Variants in RMND5A observed in about 807,000 individuals in gnomAD.
The protein encoded by RMND5A is E3 ubiquitin-protein transferase RMND5A.
RMND5A carries 17 observed loss-of-function variants against 49.7 expected under a neutral mutation model. That is an observed-to-expected ratio of 0.34 (90% CI 0.23 to 0.51). The LOEUF (loss-of-function observed/expected upper bound fraction) is 0.51. Ranked by LOEUF, RMND5A falls within the 20% of genes least tolerant of loss-of-function variation. The pLI is 0.96. For missense variants in RMND5A, 255 were observed against 471.3 expected, an observed-to-expected ratio of 0.54 and a Z score of 4.25; for synonymous variants, 156 against 167.7, an observed-to-expected ratio of 0.93 and a Z score of 0.54.
At position 86,776,514 on chromosome 2, in the gene RMND5A, A is replaced by T. The variant is rs1672771793; in HGVS notation, c.*3103A>T. The T allele has an allele frequency of 6.6e-6, 1 of 152,212 alleles. No homozygotes were observed. The highest frequency in any genetic ancestry group is 6.5e-5 in the Admixed American group (1 of 15,290). 9.4% of individuals were successfully genotyped at this position (152,212 alleles called of 1,614,324 possible). A position where few individuals can be genotyped will look rare whatever the true frequency, so the allele number is the denominator to read the frequency against. On this transcript the variant is annotated 3_prime_UTR_variant, in exon 9 of 9. Transcript: ENST00000283632. ...TGATCCTCTTTTGTCCTCTCCAGGTAGTCTCGCAGGTTATGCAGCTTAAGT... is the reference window on the plus strand; with the variant it reads ...TGATCCTCTTTTGTCCTCTCCAGGTTGTCTCGCAGGTTATGCAGCTTAAGT...
rs536177506 is a variant in RMND5A, at chr2:86,775,929, A to G, written c.*2518A>G. Reference sequence around the variant, plus strand: ...TCGCTGATGCTTTCTGCATGTCAGCAGTCCAGGAGGATGCTTTTTGTCTCT... The same window carrying G: ...TCGCTGATGCTTTCTGCATGTCAGCGGTCCAGGAGGATGCTTTTTGTCTCT... On this transcript the variant is annotated 3_prime_UTR_variant, in exon 9 of 9. Coordinates refer to ENST00000283632, the MANE Select transcript of RMND5A (RefSeq NM_022780.4). 1 of 152,344 alleles carries G rather than the reference A, an allele frequency of 6.6e-6. No homozygotes were observed. The highest frequency in any genetic ancestry group is 1.9e-4 in the East Asian group (1 of 5,182). The allele number at this position is 152,344 out of a possible 1,614,324, so 9.4% of individuals were successfully genotyped here.
rs1192165939 is a variant in RMND5A, at chr2:86,726,800, T to G, written c.142+5991T>G. On this transcript the variant is annotated intron_variant, in intron 1 of 8. Transcript: ENST00000283632. ...TTGTTGATGTATAAATAGGCTGAGG[T>G]TAGGGCTAGGCTGGCTCCAGGGGCA... 2.6e-5 allele frequency among the ~76,000 whole-genome samples: 2 copies of G among 77,628 alleles called. 1 individual carries two copies. The highest frequency in any genetic ancestry group is 5.3e-5 in the Non-Finnish European group (2 of 37,502). The allele number at this position is 77,628 out of a possible 152,430, so 50.9% of individuals were successfully genotyped here. A position where few individuals can be genotyped will look rare whatever the true frequency, so the allele number is the denominator to read the frequency against.
intron 7 of RMND5A, chr2:86,771,197 G>C (rs979122737): frequency 1.2e-5 from 2 of 172,510 alleles, no homozygotes; most frequent in Admixed American, 5.9e-5. Context: ...CAGGTGCCTG[G>C]CATCTGGCAG....
chr2:86,754,459 G>C (rs1376732453), intron 4 of RMND5A, among the ~76,000 whole-genome samples: 3 of 152,158 alleles, frequency 2.0e-5, no homozygotes, highest in Non-Finnish European at 4.4e-5. Context: ...AGTGTTACAG[G>C]GTTAGCTGGG....
intron 4 of RMND5A, among the ~76,000 whole-genome samples, chr2:86,757,702 T>G (rs1681767484): frequency 2.0e-5 from 3 of 152,112 alleles, no homozygotes; most frequent in Admixed American, 2.0e-4. Flanking sequence ...TCTCAAAGAG[T>G]AATACTACCT....
In RMND5A at chr2:86,759,259, G is replaced by A. The variant is rs1201006659; in HGVS notation, c.521+5701G>A. Among the ~76,000 whole-genome samples, 3 of 152,192 alleles carry A rather than the reference G, an allele frequency of 2.0e-5. No individual in the cohort carries two copies. The South Asian group carries it at 6.2e-4, about 31-fold the overall frequency. ...TGATGTAGAAATTCTAAATATGGAGGTAACTGTGTGCCAAGTCTTTTCACA... is the reference window on the plus strand; with the variant it reads ...TGATGTAGAAATTCTAAATATGGAGATAACTGTGTGCCAAGTCTTTTCACA... On this transcript the variant is annotated intron_variant, in intron 4 of 8. Transcript: ENST00000283632.
chr2:86,766,555 T>C (rs765431171), intron 6 of RMND5A, among the ~76,000 whole-genome samples: 2 of 148,898 alleles, frequency 1.3e-5, no homozygotes, highest in Admixed American at 1.4e-4. Flanking sequence ...TCCCAGCTAG[T>C]CGGGAAGCCG....
At chr2:86,750,873 C>G (rs1681622694) in intron 2 of RMND5A, among the ~76,000 whole-genome samples, 1 of 151,618 alleles carries the variant, frequency 6.6e-6, no homozygotes. Context: ...AAAAATTCAT[C>G]CAATGAATTT....
intron 4 of RMND5A, among the ~76,000 whole-genome samples, chr2:86,761,175 A>T (rs1672482032): frequency 6.6e-6 from 1 of 152,170 alleles, no homozygotes; most frequent in Non-Finnish European, 1.5e-5. Flanking sequence ...GTGAGTAAGG[A>T]TGCTGCTGTG....
chr2:86,769,917 G>C, intron 6 of RMND5A, 106 bp from the exon 7 acceptor site: 6 of 743,092 alleles, frequency 8.1e-6, no homozygotes, highest in Non-Finnish European at 1.2e-5. Context: ...ACCCTGTCCA[G>C]TGGCCAGGGT....
At chr2:86,766,476 C>T (rs1672595752) in intron 6 of RMND5A, among the ~76,000 whole-genome samples, 1 of 151,796 alleles carries the variant, frequency 6.6e-6, no homozygotes, top group African/African-American at 2.4e-5. Context: ...CCAGCCTGGC[C>T]AACATAGTGA....
At chr2:86,732,656 A>G (rs1358983840) in intron 1 of RMND5A, among the ~76,000 whole-genome samples, 3 of 150,054 alleles carry the variant, frequency 2.0e-5, no homozygotes, top group Non-Finnish European at 4.4e-5. Context: ...CTATATTCTG[A>G]CTTAGAATAT....
rs201698250 is a variant in RMND5A at position 86,751,916 on chromosome 2, C to T, written c.306C>T (p.Ser102=). The T allele has an allele frequency of 6.2e-7, 1 of 1,612,956 alleles. No homozygotes were observed. The highest frequency in any genetic ancestry group is 8.5e-7 in the Non-Finnish European group (1 of 1,179,312). The part of the protein sequence containing the change: ...AIDKNFDSDI[S]SVGIDGCWQA... ...CCCAGAATTTTGATTCTGACATTAG[C>T]AGTGTGGGAATAGATGGCTGCTGGC... Residue 102 remains serine, a synonymous_variant, in exon 3 of 9, where the codon AGC becomes AGT. Coordinates refer to ENST00000283632, the MANE Select transcript of RMND5A (RefSeq NM_022780.4).
At chr2:86,742,232 G>T (rs1681458228) in intron 2 of RMND5A, among the ~76,000 whole-genome samples, 1 of 144,508 alleles carries the variant, frequency 6.9e-6, no homozygotes, top group African/African-American at 2.6e-5. Flanking sequence ...GAGTCGGAGG[G>T]TGGTTTTGGC....
chr2:86,760,964 A>AAG, intron 4 of RMND5A, among the ~76,000 whole-genome samples: 1 of 102,254 alleles, frequency 9.8e-6, no homozygotes, highest in East Asian at 3.2e-4. Flanking sequence ...TGAGAGAGAG[A>AAG]AGTGTGTGTG....
chr2:86,752,657 G>A (rs1274425228), intron 3 of RMND5A, among the ~76,000 whole-genome samples: 1 of 152,190 alleles, frequency 6.6e-6, no homozygotes, highest in African/African-American at 2.4e-5. Flanking sequence ...AAGGTCTGGA[G>A]AAGTAAGTTG....
chr2:86,761,000 GTGTGAATCAGTT>G (rs1354448133), intron 4 of RMND5A, among the ~76,000 whole-genome samples: 2 of 151,516 alleles, frequency 1.3e-5, no homozygotes, highest in African/African-American at 4.8e-5. Flanking sequence ...GTGTGTGTGT[GTGTGAATCAGTT>G]TGGCTACTAT....
intron 4 of RMND5A, among the ~76,000 whole-genome samples, chr2:86,759,889 G>T (rs1573441568): frequency 6.6e-6 from 1 of 152,240 alleles, no homozygotes; most frequent in African/African-American, 2.4e-5. Context: ...CGTTTTCTTT[G>T]TAATTCTTTA....
At chr2:86,764,741 A>G (rs1672561832) in intron 4 of RMND5A, among the ~76,000 whole-genome samples, 1 of 152,220 alleles carries the variant, frequency 6.6e-6, no homozygotes, top group African/African-American at 2.4e-5. Context: ...ACACCGCTTC[A>G]AAGTGTGGTC....
Sources: allele counts gnomAD v4.1 joint callset (sites outside exome capture counted in the v4.1 genomes callset), GRCh38; gene constraint gnomAD v4.1.1; transcripts MANE v1.5; gene names NCBI Gene and HGNC (gene_info 2026-07-23, HGNC 2026-07-21).